Variants in ROBO1 observed in about 807,000 individuals in gnomAD.
ROBO1 encodes roundabout guidance receptor 1.
Under a neutral mutation model 195.9 loss-of-function variants are expected in ROBO1, and 149 were observed. The ratio of observed to expected loss-of-function variants is 0.76; its 90% CI spans 0.67 to 0.87. ROBO1 has a LOEUF of 0.87. ROBO1 is among the 40% of genes least tolerant of loss of function. The pLI is 0.00. For synonymous variants in ROBO1, 816 were observed against 733.2 expected, an observed-to-expected ratio of 1.11 and a Z score of -1.82; for missense variants, 1,933 against 2,068.3, an observed-to-expected ratio of 0.93 and a Z score of 1.27.
rs150801684 is a variant in ROBO1, at chr3:79,553,287, A to G, written c.88+36537T>C. Among the ~76,000 whole-genome samples the G allele has an allele frequency of 3.8e-3, 582 of 152,108 alleles. 2 individuals are homozygous for G. The highest frequency in any genetic ancestry group is 0.012 in the African/African-American group (498 of 41,546). ...TTTCAGCCCTGTCTTGCCTTGTCAT[A>G]ACAAAATTTCCACTTCTAAAACAGC... On this transcript the variant is annotated intron_variant, in intron 2 of 30. Transcript: ENST00000464233.
intron 4 of ROBO1, among the ~76,000 whole-genome samples, chr3:78,801,865 AAACAAG>A (rs1428151336): frequency 1.3e-5 from 2 of 152,172 alleles, no homozygotes; most frequent in African/African-American, 4.8e-5. Context: ...GGCATGACAA[AAACAAG>A]AACAGGAAAC....
At chr3:79,269,906 T>C (rs2030365731) in intron 2 of ROBO1, among the ~76,000 whole-genome samples, 2 of 151,704 alleles carry the variant, frequency 1.3e-5, no homozygotes, top group Admixed American at 1.3e-4. Flanking sequence ...CCTGGTTAGG[T>C]GTTTGCAGAG....
intron 4 of ROBO1, among the ~76,000 whole-genome samples, chr3:78,855,182 T>G (rs1392792036): frequency 6.6e-6 from 1 of 152,134 alleles, no homozygotes; most frequent in Non-Finnish European, 1.5e-5. Context: ...AATGGTACCT[T>G]GATCACTTAC....
intron 3 of ROBO1, among the ~76,000 whole-genome samples, chr3:78,993,655 A>C (rs1203296729): frequency 6.6e-6 from 1 of 152,096 alleles, no homozygotes; most frequent in Admixed American, 6.6e-5. Flanking sequence ...CGTGAATCAC[A>C]CCAGATCGGG....
intron 2 of ROBO1, among the ~76,000 whole-genome samples, chr3:79,320,259 T>C (rs1027114455): frequency 3.3e-5 from 5 of 152,172 alleles, no homozygotes; most frequent in African/African-American, 1.2e-4. Flanking sequence ...GTGGGGTCTC[T>C]ATTAAGCAGG....
chr3:79,479,602 A>T (rs1938730876), intron 2 of ROBO1, among the ~76,000 whole-genome samples: 2 of 152,074 alleles, frequency 1.3e-5, no homozygotes, highest in African/African-American at 4.8e-5. Context: ...GAACTTAAAT[A>T]TCTGTCAAAC....
intron 3 of ROBO1, among the ~76,000 whole-genome samples, chr3:79,117,166 G>A (rs116558675): frequency 0.04 from 6,026 of 151,900 alleles, 159 homozygotes; most frequent in Middle Eastern, 0.082. Flanking sequence ...TCAGGAGTTC[G>A]TGACCAGCCT....
chr3:78,845,762 C>T (rs191972531), intron 4 of ROBO1, among the ~76,000 whole-genome samples: 10 of 152,244 alleles, frequency 6.6e-5, no homozygotes, highest in Admixed American at 2.0e-4. Flanking sequence ...GTTTTAATCC[C>T]CCAGTAGCAC....
chr3:79,332,869 T>C (rs924998133), intron 2 of ROBO1, among the ~76,000 whole-genome samples: 1 of 152,170 alleles, frequency 6.6e-6, no homozygotes, highest in Non-Finnish European at 1.5e-5. Flanking sequence ...ATGGATCTTA[T>C]ATACTAGTGA....
chr3:78,678,279 G>A (rs1391904313), intron 10 of ROBO1, among the ~76,000 whole-genome samples: 1 of 150,318 alleles, frequency 6.7e-6, no homozygotes, highest in East Asian at 2.0e-4. Flanking sequence ...AAAAGCAAGA[G>A]CAAACACATT....
chr3:79,203,733 C>G (rs1476051334), intron 2 of ROBO1, among the ~76,000 whole-genome samples: 1 of 152,134 alleles, frequency 6.6e-6, no homozygotes, highest in East Asian at 1.9e-4. Flanking sequence ...ATGTACGTAA[C>G]AGTTCACGAT....
chr3:78,884,709 AAAG>A (rs2036432017), intron 4 of ROBO1, among the ~76,000 whole-genome samples: 1 of 148,758 alleles, frequency 6.7e-6, no homozygotes, highest in African/African-American at 2.5e-5. Context: ...GGAAGGAAAG[AAAG>A]AAGGAAAGGA....
At position 79,399,342 on chromosome 3, in the gene ROBO1, C is replaced by T. The variant is rs114216628; in HGVS notation, c.88+190482G>A. On this transcript the variant is annotated intron_variant, in intron 2 of 30. Coordinates refer to ENST00000464233, the MANE Select transcript of ROBO1 (RefSeq NM_002941.4). Reference sequence around the variant, plus strand: ...ATTGGTCTATAAGGCCCTACGTGACCGGCTGCCCCCCGACCTCCCACTGAC... The same window carrying T: ...ATTGGTCTATAAGGCCCTACGTGACTGGCTGCCCCCCGACCTCCCACTGAC... Among the ~76,000 whole-genome samples, 855 of 152,116 alleles carry T rather than the reference C, an allele frequency of 5.6e-3. 3 individuals carry two copies. The highest frequency in any genetic ancestry group is 0.017 in the Middle Eastern group (5 of 294).
At chr3:79,335,496 G>A (rs1303754914) in intron 2 of ROBO1, among the ~76,000 whole-genome samples, 1 of 152,078 alleles carries the variant, frequency 6.6e-6, no homozygotes, top group Non-Finnish European at 1.5e-5. Flanking sequence ...GTTTTATTAG[G>A]AGCTTCCCCC....
intron 3 of ROBO1, chr3:79,019,367 G>C: frequency 2.0e-6 from 2 of 985,804 alleles, no homozygotes; most frequent in Non-Finnish European, 2.4e-6. Flanking sequence ...TGCTGCGGGT[G>C]GGAGAGACGG....
At chr3:78,779,057 A>G (rs771231509) in intron 4 of ROBO1, among the ~76,000 whole-genome samples, 1 of 152,204 alleles carries the variant, frequency 6.6e-6, no homozygotes, top group Non-Finnish European at 1.5e-5. Flanking sequence ...AGCCATATGC[A>G]GAAAACTGAA....
chr3:79,403,244 C>G (rs1295945474), intron 2 of ROBO1, among the ~76,000 whole-genome samples: 1 of 151,878 alleles, frequency 6.6e-6, no homozygotes, highest in Non-Finnish European at 1.5e-5. Context: ...TGAACCAAGA[C>G]TACACTACTG....
rs1041187535 is a variant in ROBO1 at position 78,955,166 on chromosome 3, G to T, written c.173-16239C>A. 2.8e-4 allele frequency among the ~76,000 whole-genome samples: 42 copies of T among 149,102 alleles called. 1 individual carries two copies. The highest frequency in any genetic ancestry group is 1.0e-3 in the African/African-American group (40 of 40,170). ...TATATAGGTAAATTGTGTGTCATGG[G>T]GTTATATAGGTAAACTGTGTATCAT... On this transcript the variant is annotated intron_variant, in intron 3 of 30. Transcript: ENST00000464233.
chr3:78,927,800 G>A (rs1003575988), intron 4 of ROBO1, among the ~76,000 whole-genome samples: 1 of 152,130 alleles, frequency 6.6e-6, no homozygotes. Flanking sequence ...ATGAGAAGAT[G>A]ACTAACCCAG....
Sources: gnomAD v4.1 joint callset for allele counts (sites outside exome capture counted in the v4.1 genomes callset) on GRCh38, gnomAD v4.1.1 for gene constraint, MANE v1.5 for transcripts, NCBI Gene and HGNC (gene_info 2026-07-23, HGNC 2026-07-21) for gene names.